The following TFCP2L1 variants were observed in gnomAD, a reference collection of about 807,000 sequenced individuals.
The protein encoded by TFCP2L1 is transcription factor CP2 like 1, also known as transcription factor CP2-like protein 1.
A neutral mutation model predicts 72.2 loss-of-function variants in TFCP2L1; 12 were observed. The observed-to-expected ratio is 0.17, with a 90% CI of 0.11 to 0.27. The LOEUF (loss-of-function observed/expected upper bound fraction) is 0.27. Among genes scored for constraint, TFCP2L1 ranks in the 10% least tolerant of loss-of-function variants. The probability of loss-of-function intolerance (pLI) is 1.00; values close to 1 mark genes in which losing one functional copy is unlikely to be tolerated. For synonymous variants in TFCP2L1, 260 were observed against 251.0 expected (o/e 1.04, Z -0.34); for missense variants, 488 against 624.6 (o/e 0.78, Z 2.33).
At chr2:121,242,281 T>C (rs377013230) in intron 7 of TFCP2L1, 78 bp downstream of exon 7, 18 of 1,312,894 alleles carry the variant, frequency 1.4e-5, no homozygotes, top group Non-Finnish European at 1.9e-5. Context: ...ATGGGCGATT[T>C]TCCAAGAATC....
intron 7 of TFCP2L1, 35 bp from the exon 8 acceptor site, chr2:121,239,684 G>T (rs1388625941): frequency 1.3e-6 from 2 of 1,597,156 alleles, no homozygotes; most frequent in Middle Eastern, 1.7e-4. Context: ...CTGGGATCTG[G>T]AGAGGCGCTG....
intron 7 of TFCP2L1, chr2:121,240,605 G>T: frequency 1.0e-6 from 1 of 985,426 alleles, no homozygotes; most frequent in Non-Finnish European, 1.2e-6. Flanking sequence ...CTGCACTGTG[G>T]CAAGGGCTTG....
At position 121,234,038 on chromosome 2, in the gene TFCP2L1, GCCAGGCTGCGGGAC is replaced by G. The variant is rs1315017338; in HGVS notation, c.1198+39_1198+52del. The stretch of plus-strand genomic sequence containing the variant: ...CAGAGGCCAGACTGCGGGCTTGAAA[GCCAGGCTGCGGGAC>G]CCAATGTGTGGGTCCCAGCTCTGCT... On this transcript the variant is annotated intron_variant, in intron 12 of 14. Coordinates refer to ENST00000263707, the MANE Select transcript of TFCP2L1 (RefSeq NM_014553.3). 3 of 1,530,944 alleles carry G rather than the reference GCCAGGCTGCGGGAC, an allele frequency of 2.0e-6. No individual in the cohort carries two copies. In the African/African-American group the frequency reaches 4.1e-5, roughly 21 times the overall value. 94.8% of individuals were successfully genotyped at this position (1,530,944 alleles called of 1,614,324 possible).
chr2:121,247,061 T>A, intron 5 of TFCP2L1, 91 bp from the exon 6 acceptor site: 2 of 1,497,158 alleles, frequency 1.3e-6, no homozygotes, highest in Non-Finnish European at 1.8e-6. Context: ...GAGGTGTCCT[T>A]CCCTGCTTGG....
rs1479723436 is a variant in TFCP2L1 at position 121,249,225 on chromosome 2, T to C, written c.292-138A>G. ...GCTTCCTTTCCCAGTTCTCAAGCTT[T>C]GCCCACTGTCCCCTCCTCAGATTCC... On this transcript the variant is annotated intron_variant, in intron 3 of 14. Coordinates refer to ENST00000263707, the MANE Select transcript of TFCP2L1 (RefSeq NM_014553.3). 1.4e-5 allele frequency: 9 copies of C among 638,184 alleles called. No individual in the cohort carries two copies. In the South Asian group the frequency reaches 1.9e-4, roughly 14 times the overall value. 39.5% of individuals were successfully genotyped at this position (638,184 alleles called of 1,614,324 possible).
At chr2:121,272,609 G>C (rs1438310822) in intron 2 of TFCP2L1, among the ~76,000 whole-genome samples, 13 of 152,306 alleles carry the variant, frequency 8.5e-5, no homozygotes, top group African/African-American at 3.1e-4. Flanking sequence ...ATTGGGAAAA[G>C]AGAGGATAAA....
At chr2:121,256,423 T>C (rs1202320107) in intron 2 of TFCP2L1, among the ~76,000 whole-genome samples, 2 of 152,156 alleles carry the variant, frequency 1.3e-5, no homozygotes, top group Non-Finnish European at 2.9e-5. Context: ...CTCAATAGTG[T>C]GGGATAACTG....
chr2:121,253,929 C>CA (rs1205722725), intron 2 of TFCP2L1, among the ~76,000 whole-genome samples: 2 of 152,176 alleles, frequency 1.3e-5, no homozygotes, highest in African/African-American at 4.8e-5. Flanking sequence ...CCACCCAACT[C>CA]ACACAGCAGC....
intron 2 of TFCP2L1, among the ~76,000 whole-genome samples, chr2:121,275,212 A>C (rs971975159): frequency 2.0e-5 from 3 of 151,950 alleles, no homozygotes; most frequent in Non-Finnish European, 4.4e-5. Context: ...GTGAAACCCC[A>C]TCTCTACTAA....
Position 121,224,319 on chromosome 2 carries a change from CAGG to C in TFCP2L1, c.*19_*21del. On this transcript the variant is annotated 3_prime_UTR_variant, in exon 15 of 15. Transcript: ENST00000263707. ...GATCCACAGGGCTGGGAGCTGGAGA[CAGG>C]TATGAGGTCCACTGCTGCTCAGAGT... The C allele has an allele frequency of 6.2e-7, 1 of 1,613,662 alleles. No individual in the cohort carries two copies. The highest frequency in any genetic ancestry group is 8.5e-7 in the Non-Finnish European group (1 of 1,179,888).
chr2:121,249,151 T>G (rs1048718789), intron 3 of TFCP2L1, 64 bp from the exon 4 acceptor site: 2 of 1,272,448 alleles, frequency 1.6e-6, no homozygotes, highest in African/African-American at 3.0e-5. Context: ...CCACCTCTTT[T>G]CCCTGAGCCA....
chr2:121,245,911 C>G (rs1237630693), intron 6 of TFCP2L1, among the ~76,000 whole-genome samples: 1 of 152,246 alleles, frequency 6.6e-6, no homozygotes, highest in Non-Finnish European at 1.5e-5. Flanking sequence ...TCTAAAGCAA[C>G]TCCCTCTTGG....
At chr2:121,235,133 A>G in intron 11 of TFCP2L1, 88 bp downstream of exon 11, 1 of 1,425,012 alleles carries the variant, frequency 7.0e-7, no homozygotes, top group Admixed American at 1.8e-5. Flanking sequence ...CAGACCACCC[A>G]CCATCCAAAA....
At chr2:121,262,573 T>C (rs1296023279) in intron 2 of TFCP2L1, among the ~76,000 whole-genome samples, 2 of 152,172 alleles carry the variant, frequency 1.3e-5, no homozygotes, top group Admixed American at 6.5e-5. Context: ...TCAGGAGACA[T>C]GGCAACTCCC....
chr2:121,264,598 C>T (rs775526598), intron 2 of TFCP2L1, among the ~76,000 whole-genome samples: 1 of 152,196 alleles, frequency 6.6e-6, no homozygotes, highest in Non-Finnish European at 1.5e-5. Context: ...GGTGGCCTTG[C>T]TGTCTGCTAT....
chr2:121,237,866 AC>A lies in TFCP2L1; in HGVS notation c.861-17del. 2 of 1,613,812 alleles carry A rather than the reference AC, an allele frequency of 1.2e-6. No individual in the cohort carries two copies. Among genetic ancestry groups the A allele is most frequent in the Non-Finnish European group, 1.7e-6 (2 of 1,179,846 alleles). On this transcript the variant is annotated splice_polypyrimidine_tract_variant and intron_variant, in intron 8 of 14. Coordinates refer to ENST00000263707, the MANE Select transcript of TFCP2L1 (RefSeq NM_014553.3). Reference sequence around the variant, plus strand: ...AGAGGCGTTGCTGCAAGGAAAAGGAACCAGTGATGAGGACAGAGGGGGCTCC... The same window carrying A: ...AGAGGCGTTGCTGCAAGGAAAAGGAACAGTGATGAGGACAGAGGGGGCTCC...
chr2:121,277,210 T>C (rs1223569156), intron 2 of TFCP2L1, among the ~76,000 whole-genome samples: 3 of 152,166 alleles, frequency 2.0e-5, no homozygotes, highest in Non-Finnish European at 4.4e-5. Flanking sequence ...ACAGAAATGC[T>C]AATTTAAGGC....
intron 7 of TFCP2L1, chr2:121,240,398 T>C (rs1686344629): frequency 1.0e-6 from 1 of 985,456 alleles, no homozygotes; most frequent in African/African-American, 1.7e-5. Flanking sequence ...CCTGCGATGA[T>C]GCCTCTTCAG....
intron 2 of TFCP2L1, among the ~76,000 whole-genome samples, chr2:121,262,073 T>C (rs941215897): frequency 2.6e-5 from 4 of 152,166 alleles, no homozygotes; most frequent in Non-Finnish European, 5.9e-5. Context: ...CCCAACACTT[T>C]GGAAGGCCAA....
Sources: allele counts gnomAD v4.1 joint callset (sites outside exome capture counted in the v4.1 genomes callset), GRCh38; gene constraint gnomAD v4.1.1; transcripts MANE v1.5; gene names NCBI Gene and HGNC (gene_info 2026-07-23, HGNC 2026-07-21).